ZEB1: variants seen among roughly 807,000 people sequenced by gnomAD.
ZEB1 encodes zinc finger E-box-binding homeobox 1.
ZEB1 carries 21 observed loss-of-function variants against 84.9 expected under a neutral mutation model. The observed-to-expected ratio is 0.25, with a 90% CI of 0.18 to 0.36. The LOEUF (loss-of-function observed/expected upper bound fraction) is 0.36. ZEB1 is among the 10% of genes least tolerant of loss of function. ZEB1 has a pLI of 1.00. For synonymous variants in ZEB1, 420 were observed against 471.1 expected (o/e 0.89, Z 1.41); for missense variants, 1,104 against 1,330.2 (o/e 0.83, Z 2.65).
chr10:31,461,897 A>C (rs1158764236), intron 2 of ZEB1, among the ~76,000 whole-genome samples: 1 of 152,146 alleles, frequency 6.6e-6, no homozygotes, highest in Non-Finnish European at 1.5e-5. Flanking sequence ...TAATAAACTA[A>C]TTAAATTATT....
chr10:31,321,049 T>G, intron 1 of ZEB1: 1 of 735,064 alleles, frequency 1.4e-6, no homozygotes, highest in Non-Finnish European at 1.7e-6. Context: ...ATGGGACCGC[T>G]GCAGCGTCGA....
At chr10:31,363,999 C>T (rs749843041) in intron 1 of ZEB1, among the ~76,000 whole-genome samples, 2 of 152,182 alleles carry the variant, frequency 1.3e-5, no homozygotes, top group Non-Finnish European at 2.9e-5. Context: ...GATGGCATGG[C>T]CAGGACCTGC....
At chr10:31,373,193 T>TTGTGTG (rs527915359) in intron 1 of ZEB1, 47 of 973,046 alleles carry the variant, frequency 4.8e-5, no homozygotes, top group Admixed American at 2.5e-4. Context: ...TTCATTTAAA[T>TTGTGTG]TGTGTGTGTG....
At chr10:31,444,924 A>G (rs1051957371) in intron 1 of ZEB1, among the ~76,000 whole-genome samples, 3 of 152,100 alleles carry the variant, frequency 2.0e-5, no homozygotes, top group African/African-American at 7.3e-5. Context: ...TATGAACTTT[A>G]AAGTAGTTTT....
chr10:31,469,735 T>C (rs2062944520), intron 2 of ZEB1, among the ~76,000 whole-genome samples: 1 of 152,220 alleles, frequency 6.6e-6, no homozygotes, highest in Non-Finnish European at 1.5e-5. Context: ...CCTGCCTGCC[T>C]CTGTAGGCTC....
intron 1 of ZEB1, chr10:31,360,908 T>C (rs934445836): frequency 9.7e-5 from 142 of 1,465,846 alleles, no homozygotes; most frequent in Non-Finnish European, 1.8e-5. Context: ...GAAACAGTAC[T>C]GCATGGATGC....
intron 1 of ZEB1, among the ~76,000 whole-genome samples, chr10:31,443,412 CT>C (rs370787584): frequency 0.019 from 2,753 of 142,764 alleles, 50 homozygotes; most frequent in African/African-American, 0.051. Context: ...ATATTTTCTT[CT>C]TTTTTTTTTT....
intron 1 of ZEB1, among the ~76,000 whole-genome samples, chr10:31,389,138 C>T (rs931690333): frequency 2.0e-5 from 3 of 151,856 alleles, no homozygotes; most frequent in Non-Finnish European, 2.9e-5. Flanking sequence ...GAGATCTTGC[C>T]GTCTGTATCT....
At position 31,527,031 on chromosome 10, in the gene ZEB1, G is replaced by A; in HGVS notation, c.3145G>A (p.Glu1049Lys). The change falls in exon 9 of 9, where the codon GAA (glutamate) becomes AAA (lysine). Residue 1049 changes from glutamate (E) to lysine (K), a missense_variant. By Grantham distance (56) the Glu-to-Lys change is moderately conservative (BLOSUM62 1). Coordinates refer to ENST00000424869, the MANE Select transcript of ZEB1 (RefSeq NM_001174096.2). ...KEEEEEDKEM[E>K]ELQEEKECEK... ...GGAAGAGGAGGAGGATAAAGAGATGGAAGAATTGCAGGAAGAAAAAGAATG... is the reference window on the plus strand; with the variant it reads ...GGAAGAGGAGGAGGATAAAGAGATGAAAGAATTGCAGGAAGAAAAAGAATG... The A allele has an allele frequency of 6.3e-7, 1 of 1,590,186 alleles. No individual in the cohort carries two copies. Among genetic ancestry groups the A allele is most frequent in the Non-Finnish European group, 8.6e-7 (1 of 1,166,448 alleles).
At chr10:31,429,706 A>G (rs960683975) in intron 1 of ZEB1, among the ~76,000 whole-genome samples, 6 of 142,444 alleles carry the variant, frequency 4.2e-5, no homozygotes, top group Admixed American at 4.2e-4. Flanking sequence ...AAGCCAGTGA[A>G]TCTGTTGTGA....
chr10:31,337,372 G>A (rs1171213882), intron 1 of ZEB1, among the ~76,000 whole-genome samples: 1 of 151,812 alleles, frequency 6.6e-6, no homozygotes, highest in African/African-American at 2.4e-5. Context: ...AAAAACGATG[G>A]TGGAACTCAG....
chr10:31,406,733 T>G (rs1441238715), intron 1 of ZEB1, among the ~76,000 whole-genome samples: 1 of 152,212 alleles, frequency 6.6e-6, no homozygotes, highest in African/African-American at 2.4e-5. Context: ...TTGTTGCCAT[T>G]GCTTTTGGTG....
rs911665465 is a variant in ZEB1 at position 31,511,944 on chromosome 10, T to C, written c.687+1069T>C. 7.2e-5 allele frequency among the ~76,000 whole-genome samples: 11 copies of C among 152,132 alleles called. No individual in the cohort carries two copies. The East Asian group carries it at 1.7e-3, about 24-fold the overall frequency. The stretch of plus-strand genomic sequence containing the variant: ...AGAAGAGGGTGGCAATCAGGGAGAA[T>C]AGAACCAAGATTTTATAGGTTTATG... On this transcript the variant is annotated intron_variant, in intron 5 of 8. Transcript: ENST00000424869.
chr10:31,405,186 G>A (rs1371278226), intron 1 of ZEB1, among the ~76,000 whole-genome samples: 1 of 152,134 alleles, frequency 6.6e-6, no homozygotes. Context: ...TTAAAAAAAT[G>A]TGGAAAATTA....
chr10:31,359,895 A>G (rs899186358), intron 1 of ZEB1, among the ~76,000 whole-genome samples: 1 of 152,170 alleles, frequency 6.6e-6, no homozygotes, highest in African/African-American at 2.4e-5. Context: ...TGTATTCAGG[A>G]AGACACTGCC....
intron 1 of ZEB1, among the ~76,000 whole-genome samples, chr10:31,430,891 A>C (rs144838964): frequency 7.9e-5 from 12 of 152,342 alleles, no homozygotes; most frequent in African/African-American, 2.9e-4. Context: ...TTTAAATAGC[A>C]GTTATTTTTA....
intron 1 of ZEB1, among the ~76,000 whole-genome samples, chr10:31,330,789 A>G (rs981455846): frequency 1.3e-5 from 2 of 151,708 alleles, no homozygotes; most frequent in African/African-American, 4.8e-5. Context: ...TAGAAAATAT[A>G]GATGTTACTT....
chr10:31,390,016 G>A (rs1368942183), intron 1 of ZEB1, among the ~76,000 whole-genome samples: 1 of 152,078 alleles, frequency 6.6e-6, no homozygotes, highest in African/African-American at 2.4e-5. Context: ...TCCACTGGAT[G>A]ACCCTGCGAA....
chr10:31,363,724 G>A, intron 1 of ZEB1: 1 of 1,192,082 alleles, frequency 8.4e-7, no homozygotes, highest in Non-Finnish European at 1.2e-6. Context: ...GGAGTTGTGA[G>A]GAGACAGCAC....
Sources: allele counts gnomAD v4.1 joint callset (sites outside exome capture counted in the v4.1 genomes callset), GRCh38; gene constraint gnomAD v4.1.1; transcripts MANE v1.5; gene names NCBI Gene and HGNC (gene_info 2026-07-23, HGNC 2026-07-21).